HDAC4: variants seen among roughly 807,000 people sequenced by gnomAD.
HDAC4 encodes histone deacetylase A.
In HDAC4, 16 loss-of-function variants were observed where a neutral mutation model predicts 135.1. The ratio of observed to expected loss-of-function variants is 0.12; its 90% CI spans 0.08 to 0.18. The LOEUF is 0.18. HDAC4 is among the 10% of genes least tolerant of loss of function. The pLI is 1.00. For synonymous variants in HDAC4, 685 were observed against 653.4 expected, an observed-to-expected ratio of 1.05 and a Z score of -0.74; for missense variants, 1,143 against 1,511.8, an observed-to-expected ratio of 0.76 and a Z score of 4.05.
chr2:239,259,854 T>G (rs1055071324), intron 2 of HDAC4, among the ~76,000 whole-genome samples: 3 of 152,130 alleles, frequency 2.0e-5, no homozygotes, highest in African/African-American at 7.2e-5. Flanking sequence ...AGCCTGCAAG[T>G]AGGAAATATG....
intron 2 of HDAC4, among the ~76,000 whole-genome samples, chr2:239,342,146 G>A (rs1214077164): frequency 2.6e-5 from 4 of 151,762 alleles, no homozygotes; most frequent in Non-Finnish European, 5.9e-5. Context: ...CAGGCTGAAC[G>A]AACAAAGGCA....
chr2:239,060,490 ATGCGGGGC>A (rs1375844407), intron 24 of HDAC4, among the ~76,000 whole-genome samples: 1 of 152,238 alleles, frequency 6.6e-6, no homozygotes, highest in Non-Finnish European at 1.5e-5. Context: ...CAATAGGCAG[ATGCGGGGC>A]TGCTCTGCCG....
chr2:239,376,611 C>T (rs951587530), intron 1 of HDAC4, among the ~76,000 whole-genome samples: 14 of 152,250 alleles, frequency 9.2e-5, no homozygotes, highest in East Asian at 3.8e-4. Flanking sequence ...GCACAACACC[C>T]GCCCCAGGGG....
chr2:239,059,341 G>C (rs2032331629), intron 24 of HDAC4, among the ~76,000 whole-genome samples: 1 of 152,046 alleles, frequency 6.6e-6, no homozygotes, highest in South Asian at 2.1e-4. Context: ...ATTCTGAAAA[G>C]AAAAAAGGAT....
At chr2:239,339,018 T>A (rs1692123116) in intron 2 of HDAC4, among the ~76,000 whole-genome samples, 1 of 152,274 alleles carries the variant, frequency 6.6e-6, no homozygotes. Context: ...AAGAAAACTA[T>A]GTATTTAGTT....
intron 4 of HDAC4, among the ~76,000 whole-genome samples, chr2:239,177,000 G>A (rs560451231): frequency 1.3e-4 from 20 of 152,138 alleles, no homozygotes; most frequent in African/African-American, 4.1e-4. Flanking sequence ...TCCGAAACAC[G>A]GAAGCACACC....
At chr2:239,186,266 C>A (rs1575337735) in intron 4 of HDAC4, among the ~76,000 whole-genome samples, 1 of 152,126 alleles carries the variant, frequency 6.6e-6, no homozygotes, top group Non-Finnish European at 1.5e-5. Flanking sequence ...AAAATGACTC[C>A]CTTTTCAATT....
chr2:239,125,875 T>G (rs559939444), intron 12 of HDAC4, among the ~76,000 whole-genome samples: 2 of 152,324 alleles, frequency 1.3e-5, no homozygotes, highest in South Asian at 4.1e-4. Context: ...GCTCTGACAG[T>G]GTCCCTTCGA....
chr2:239,123,883 A>G (rs2039904463), intron 12 of HDAC4, among the ~76,000 whole-genome samples: 1 of 152,048 alleles, frequency 6.6e-6, no homozygotes, highest in Non-Finnish European at 1.5e-5. Context: ...GTGTGCTAGG[A>G]AAGTCTATCT....
chr2:239,277,268 T>C lies in HDAC4; in HGVS notation c.23-40604A>G, dbSNP rs541663061. ...CTCAGCTTCTGAAGCTCCCCAGAAA[T>C]AGCAGATGCCCTCTTGTTCCCGGTC... On this transcript the variant is annotated intron_variant, in intron 2 of 26. Transcript: ENST00000543185. Among the ~76,000 whole-genome samples the C allele has an allele frequency of 5.9e-5, 9 of 152,232 alleles. No individual in the cohort carries two copies. The East Asian group carries it at 1.7e-3, about 29-fold the overall frequency.
intron 26 of HDAC4, 32 bp from the exon 27 acceptor site, chr2:239,053,168 C>A: frequency 6.2e-7 from 1 of 1,613,516 alleles, no homozygotes; most frequent in Non-Finnish European, 8.5e-7. Context: ...GAGATGGGGG[C>A]GTGGGGCAGG....
Position 239,141,892 on chromosome 2 carries a change from T to C in HDAC4, c.866-2096A>G, listed in dbSNP as rs2041400049. ...CCAGGAATAGGTCTAAGAAAATTCA[T>C]ATAAATGCATAATCTTCATAGTATT... On this transcript the variant is annotated intron_variant, in intron 8 of 26. Transcript: ENST00000543185. This position sits in a 1 kb window ranked among gnomAD's most constrained non-coding sequence, Gnocchi z 4.9. Among the ~76,000 whole-genome samples the C allele has an allele frequency of 2.6e-5, 4 of 152,224 alleles. No individual in the cohort carries two copies. The South Asian group carries it at 6.2e-4, about 24-fold the overall frequency.
chr2:239,284,921 A>G (rs1471461053), intron 2 of HDAC4, among the ~76,000 whole-genome samples: 2 of 152,232 alleles, frequency 1.3e-5, no homozygotes, highest in Admixed American at 6.5e-5. Context: ...TTAGAGGCTC[A>G]GAAAGGAAGC....
chr2:239,126,657 G>A lies in HDAC4; in HGVS notation c.1332C>T (p.His444=), dbSNP rs149824763. The A allele has an allele frequency of 1.7e-4, 271 of 1,613,828 alleles. No individual in the cohort carries two copies. The highest frequency in any genetic ancestry group is 2.1e-4 in the Non-Finnish European group (247 of 1,179,898). ...YLSGLGALPL[H]AQSLVGADRV... ...GGTCTGCACCAACCAAGGACTGTGC[G>A]TGGAGGGGCAGTGCTCCCAGGCCTG... The change falls in exon 12 of 27, where the codon CAC becomes CAT. Residue 444 remains histidine, a synonymous_variant. Coordinates refer to ENST00000543185, the MANE Select transcript of HDAC4 (RefSeq NM_001378414.1).
At chr2:239,215,524 G>A (rs2046584193) in intron 3 of HDAC4, among the ~76,000 whole-genome samples, 1 of 152,116 alleles carries the variant, frequency 6.6e-6, no homozygotes, top group Admixed American at 6.5e-5. Flanking sequence ...AGTGGGCAAG[G>A]GCTCAGGACG....
At chr2:239,319,515 G>A (rs74972876) in intron 2 of HDAC4, among the ~76,000 whole-genome samples, 46 of 152,346 alleles carry the variant, frequency 3.0e-4, no homozygotes, top group African/African-American at 1.1e-3. Context: ...GGTCTAAGAC[G>A]GTGTGGCCGT....
Position 239,178,812 on chromosome 2 carries a change from T to C in HDAC4, c.340-2249A>G, listed in dbSNP as rs752414443. ...GGAACTTTCTGTGGAGGAAATTTAG[T>C]GAATCAGGGGCTCCGGGCTGGCTCC... On this transcript the variant is annotated intron_variant, in intron 4 of 26. Coordinates refer to ENST00000543185, the MANE Select transcript of HDAC4 (RefSeq NM_001378414.1). Among the ~76,000 whole-genome samples, 94 of 152,202 alleles carry C rather than the reference T, an allele frequency of 6.2e-4. 1 individual carries two copies. The highest frequency in any genetic ancestry group is 1.3e-4 in the Non-Finnish European group (9 of 68,038).
intron 3 of HDAC4, among the ~76,000 whole-genome samples, chr2:239,204,812 T>G (rs190676370): frequency 6.6e-6 from 1 of 152,252 alleles, no homozygotes; most frequent in East Asian, 1.9e-4. Flanking sequence ...TCAGGGCAGG[T>G]GCTGAGACCA....
At chr2:239,243,155 CTT>C (rs1285513656) in intron 2 of HDAC4, among the ~76,000 whole-genome samples, 17 of 141,426 alleles carry the variant, frequency 1.2e-4, no homozygotes, top group Non-Finnish European at 1.4e-4. Flanking sequence ...ATTAACATTC[CTT>C]TTTTTTTTTT....
Sources: allele counts gnomAD v4.1 joint callset (sites outside exome capture counted in the v4.1 genomes callset), GRCh38; gene constraint gnomAD v4.1.1; non-coding constraint Gnocchi (gnomAD v3.1); transcripts MANE v1.5; gene names NCBI Gene and HGNC (gene_info 2026-07-23, HGNC 2026-07-21).